The following SYNPR variants were observed in gnomAD, a reference collection of about 807,000 sequenced individuals.
The protein encoded by SYNPR is synaptoporin.
In SYNPR, 23 loss-of-function variants were observed where a neutral mutation model predicts 32.9. The observed-to-expected ratio is 0.70, with a 90% CI of 0.50 to 0.99. The LOEUF is 0.99. SYNPR is among the 50% of genes least tolerant of loss of function. The pLI is 0.00. For missense variants in SYNPR, 318 were observed against 349.3 expected (o/e 0.91, Z 0.71); for synonymous variants, 146 against 135.9 (o/e 1.07, Z -0.52).
At chr3:63,534,711 A>G (rs1253772162) in intron 3 of SYNPR, among the ~76,000 whole-genome samples, 2 of 152,182 alleles carry the variant, frequency 1.3e-5, no homozygotes, top group African/African-American at 4.8e-5. Context: ...TAAGGGCTTC[A>G]GGCTGCTCCA....
chr3:63,483,201 T>C (rs1701080753), intron 3 of SYNPR, among the ~76,000 whole-genome samples: 1 of 152,216 alleles, frequency 6.6e-6, no homozygotes, highest in South Asian at 2.1e-4. Flanking sequence ...ACTGCAGTGT[T>C]GTTAATAATA....
chr3:63,284,066 C>T (rs1228680807), intron 2 of SYNPR, among the ~76,000 whole-genome samples: 1 of 152,164 alleles, frequency 6.6e-6, no homozygotes, highest in African/African-American at 2.4e-5. Flanking sequence ...CCTCGGCCTC[C>T]CAAAGTGCTG....
chr3:63,528,166 T>G (rs1227486050), intron 3 of SYNPR, among the ~76,000 whole-genome samples: 1 of 152,220 alleles, frequency 6.6e-6, no homozygotes, highest in African/African-American at 2.4e-5. Flanking sequence ...TGTGTCTCCC[T>G]CTTGATCATC....
At chr3:63,345,692 G>T (rs1224648582) in intron 2 of SYNPR, among the ~76,000 whole-genome samples, 1 of 152,222 alleles carries the variant, frequency 6.6e-6, no homozygotes, top group East Asian at 1.9e-4. Flanking sequence ...TTCCTGAGGA[G>T]AGGGGAAGGG....
chr3:63,560,856 A>G (rs1702676581), intron 4 of SYNPR, among the ~76,000 whole-genome samples: 1 of 152,030 alleles, frequency 6.6e-6, no homozygotes, highest in African/African-American at 2.4e-5. Flanking sequence ...CTCCCTCAAG[A>G]CCTGGGGATT....
intron 2 of SYNPR, among the ~76,000 whole-genome samples, chr3:63,318,029 A>C (rs1190638530): frequency 6.6e-6 from 1 of 152,052 alleles, no homozygotes; most frequent in African/African-American, 2.4e-5. Flanking sequence ...GTTTTGCTGG[A>C]TACAAAATTA....
At position 63,385,090 on chromosome 3, in the gene SYNPR, C is replaced by T. The variant is rs186720605; in HGVS notation, c.85-95742C>T. On this transcript the variant is annotated intron_variant, in intron 2 of 5. Transcript: ENST00000478300. ...AAACTTCAGTCATCTACCCTACTTT[C>T]TCAATTTTTTCACTGTATTGATACC... 4.6e-5 allele frequency among the ~76,000 whole-genome samples: 7 copies of T among 152,232 alleles called. No individual in the cohort carries two copies. The East Asian group carries it at 1.3e-3, about 29-fold the overall frequency.
At chr3:63,463,487 G>T (rs901262179) in intron 2 of SYNPR, among the ~76,000 whole-genome samples, 2 of 152,114 alleles carry the variant, frequency 1.3e-5, no homozygotes, top group Non-Finnish European at 2.9e-5. Flanking sequence ...GAATGTGAGG[G>T]ATAGGTTTTC....
At chr3:63,358,705 A>G (rs915061132) in intron 2 of SYNPR, among the ~76,000 whole-genome samples, 67 of 152,218 alleles carry the variant, frequency 4.4e-4, no homozygotes, top group African/African-American at 1.4e-3. Flanking sequence ...AAGTTTAATT[A>G]ACACATACTA....
chr3:63,453,411 G>C (rs905039729), intron 2 of SYNPR, among the ~76,000 whole-genome samples: 1 of 152,058 alleles, frequency 6.6e-6, no homozygotes, highest in South Asian at 2.1e-4. Flanking sequence ...ATCATCTGGG[G>C]AGTTTATTAA....
At chr3:63,383,906 A>G (rs2088007987) in intron 2 of SYNPR, among the ~76,000 whole-genome samples, 1 of 152,248 alleles carries the variant, frequency 6.6e-6, no homozygotes, top group Admixed American at 6.5e-5. Flanking sequence ...ACACATACAC[A>G]AAAGGGTAAC....
the SYNPR span, among the ~76,000 whole-genome samples, chr3:63,220,429 T>C: frequency 6.6e-6 from 1 of 152,184 alleles, no homozygotes; most frequent in Non-Finnish European, 1.5e-5. Flanking sequence ...TCTTCCCTCC[T>C]GCACTCTGCT....
intron 2 of SYNPR, among the ~76,000 whole-genome samples, chr3:63,342,197 T>C (rs565738399): frequency 6.6e-6 from 1 of 152,354 alleles, no homozygotes; most frequent in East Asian, 1.9e-4. Context: ...CTTGGCTCTC[T>C]ATATTCTGTT....
At chr3:63,345,987 G>C (rs1040815854) in intron 2 of SYNPR, among the ~76,000 whole-genome samples, 10 of 152,014 alleles carry the variant, frequency 6.6e-5, no homozygotes, top group East Asian at 1.9e-4. Context: ...GCTAATTTTT[G>C]TATTTTTAGT....
upstream of SYNPR, among the ~76,000 whole-genome samples, chr3:63,273,513 T>G (rs1446876948): frequency 6.6e-6 from 1 of 152,208 alleles, no homozygotes; most frequent in East Asian, 1.9e-4. Flanking sequence ...GTTGCTATTA[T>G]TATTCTCTGG....
At chr3:63,488,399 G>A (rs920388865) in intron 3 of SYNPR, among the ~76,000 whole-genome samples, 6 of 152,096 alleles carry the variant, frequency 3.9e-5, no homozygotes, top group African/African-American at 1.4e-4. Context: ...AGAGACTTTG[G>A]GAGACTTAGA....
At chr3:63,211,541 TCTC>T in the SYNPR span, among the ~76,000 whole-genome samples, 1 of 152,158 alleles carries the variant, frequency 6.6e-6, no homozygotes, top group Non-Finnish European at 1.5e-5. Context: ...AAAGTTGTTC[TCTC>T]CTCTAGTTTC....
chr3:63,612,675 A>T (rs1304976374), intron 5 of SYNPR, among the ~76,000 whole-genome samples: 1 of 152,230 alleles, frequency 6.6e-6, no homozygotes, highest in African/African-American at 2.4e-5. Context: ...GTAAAAAATC[A>T]GTACTCCTTA....
chr3:63,498,515 G>C (rs1237208663), intron 3 of SYNPR, among the ~76,000 whole-genome samples: 8 of 152,086 alleles, frequency 5.3e-5, no homozygotes, highest in Non-Finnish European at 1.2e-4. Context: ...TGAATAATTG[G>C]GGAAACGTTG....
Sources: gnomAD v4.1 joint callset for allele counts (sites outside exome capture counted in the v4.1 genomes callset) on GRCh38, gnomAD v4.1.1 for gene constraint, MANE v1.5 for transcripts, NCBI Gene and HGNC (gene_info 2026-07-23, HGNC 2026-07-21) for gene names.